The following PAFAH2 variants were observed in gnomAD, a reference collection of about 807,000 sequenced individuals.
PAFAH2 encodes platelet-activating factor acetylhydrolase 2, cytoplasmic.
Under a neutral mutation model 49.0 loss-of-function variants are expected in PAFAH2, and 42 were observed. The ratio of observed to expected loss-of-function variants is 0.86; its 90% CI spans 0.67 to 1.11. PAFAH2 has a LOEUF of 1.11. PAFAH2 is among the 50% of genes least tolerant of loss of function. The pLI, the probability that PAFAH2 is intolerant of heterozygous loss-of-function variation, is 0.00. For missense variants in PAFAH2, 503 were observed against 501.8 expected, an observed-to-expected ratio of 1.00 and a Z score of -0.02; for synonymous variants, 184 against 181.3, an observed-to-expected ratio of 1.01 and a Z score of -0.12.
rs2049846165 is a variant in PAFAH2, at chr1:25,989,704, CA to C, written c.91-104del. The C allele has an allele frequency of 2.2e-5, 20 of 910,726 alleles. No individual in the cohort carries two copies. The South Asian group carries it at 7.6e-4, about 35-fold the overall frequency. 56.4% of individuals were successfully genotyped at this position (910,726 alleles called of 1,614,324 possible). A position where few individuals can be genotyped will look rare whatever the true frequency, so the allele number is the denominator to read the frequency against. The stretch of plus-strand genomic sequence containing the variant: ...TTGGGGCACCAGCAAAACAGGGCAC[CA>C]AAACAGGGAAACTGAAGTTTCAATT... On this transcript the variant is annotated intron_variant, in intron 2 of 10. Coordinates refer to ENST00000374282, the MANE Select transcript of PAFAH2 (RefSeq NM_000437.4).
Position 25,982,446 on chromosome 1 carries a change from A to G in PAFAH2, c.584T>C (p.Val195Ala). The G allele has an allele frequency of 6.2e-7, 1 of 1,614,094 alleles. No individual in the cohort carries two copies. The highest frequency in any genetic ancestry group is 1.1e-5 in the South Asian group (1 of 91,076). ...AGTGACCTCTTGCAGGATCTTCAAC[A>G]CCCGTAAACACTCGCTTACCCGCTG... is the stretch of plus-strand genomic sequence containing the variant. ...VHQRVSECLRVLKILQEVTAG... is the reference protein window; with the variant it reads ...VHQRVSECLRALKILQEVTAG... Residue 195 changes from valine to alanine, a missense_variant, in exon 7 of 11, where the codon GTG (valine) becomes GCG (alanine). By Grantham distance (64) the Val-to-Ala change is moderately conservative (BLOSUM62 0). Transcript: ENST00000374282.
At chr1:25,986,739 C>A (rs2049786577) in intron 4 of PAFAH2, among the ~76,000 whole-genome samples, 1 of 151,982 alleles carries the variant, frequency 6.6e-6, no homozygotes, top group Non-Finnish European at 1.5e-5. Flanking sequence ...CCATGTTGGT[C>A]AGGCTAGTCT....
At chr1:25,978,199 A>C (rs1220198074) in intron 7 of PAFAH2, among the ~76,000 whole-genome samples, 1 of 152,052 alleles carries the variant, frequency 6.6e-6, no homozygotes, top group East Asian at 1.9e-4. Flanking sequence ...TGGCCTCTTC[A>C]ACATTAAAAA....
At chr1:25,977,237 G>T (rs1365513787) in intron 7 of PAFAH2, among the ~76,000 whole-genome samples, 1 of 150,252 alleles carries the variant, frequency 6.7e-6, no homozygotes, top group Non-Finnish European at 1.5e-5. Flanking sequence ...CTGACCTCGT[G>T]ATCCGCCCGC....
chr1:25,967,194 G>A (rs2049439248), intron 10 of PAFAH2, among the ~76,000 whole-genome samples: 1 of 152,096 alleles, frequency 6.6e-6, no homozygotes, highest in Admixed American at 6.6e-5. Context: ...TATTTTGAAG[G>A]TAGAGCCAAT....
intron 9 of PAFAH2, 94 bp downstream of exon 9, chr1:25,974,386 G>T: frequency 9.8e-7 from 1 of 1,021,762 alleles, no homozygotes; most frequent in Non-Finnish European, 1.4e-6. Flanking sequence ...TCCTACTAAT[G>T]GGTAGAAAGT....
At chr1:25,967,455 C>G (rs2049444186) in intron 10 of PAFAH2, among the ~76,000 whole-genome samples, 1 of 152,098 alleles carries the variant, frequency 6.6e-6, no homozygotes, top group Admixed American at 6.5e-5. Flanking sequence ...GCAAGCAGCA[C>G]AGCAGATGGA....
At chr1:25,965,209 A>C (rs958567788) in intron 10 of PAFAH2, among the ~76,000 whole-genome samples, 1 of 152,238 alleles carries the variant, frequency 6.6e-6, no homozygotes, top group Non-Finnish European at 1.5e-5. Context: ...TTGGATAGCC[A>C]TATGAAGAAG....
chr1:25,962,901 A>G (rs2049360348), intron 10 of PAFAH2, among the ~76,000 whole-genome samples: 1 of 152,066 alleles, frequency 6.6e-6, no homozygotes, highest in Admixed American at 6.5e-5. Context: ...GCAGTATCTG[A>G]CAGCTCAGCC....
At position 25,976,739 on chromosome 1, in the gene PAFAH2, C is replaced by G. The variant is rs750003914; in HGVS notation, c.701G>C (p.Gly234Ala). ...NIDMSRVAVM[G>A]HSFGGATAIL... ...AGCTGTGGCCCCTCCAAATGAATGT[C>G]CCATCACAGCCACACGGCTCATGTC... The change falls in exon 8 of 11, where the codon GGA (glycine) becomes GCA (alanine). Residue 234 changes from glycine to alanine, a missense_variant. By Grantham distance (60) the Gly-to-Ala change is moderately conservative (BLOSUM62 0). Coordinates refer to ENST00000374282, the MANE Select transcript of PAFAH2 (RefSeq NM_000437.4). 3.1e-6 allele frequency: 5 copies of G among 1,614,096 alleles called. No individual in the cohort carries two copies. The highest frequency in any genetic ancestry group is 4.2e-6 in the Non-Finnish European group (5 of 1,180,034).
At chr1:25,977,571 C>T (rs989027724) in intron 7 of PAFAH2, among the ~76,000 whole-genome samples, 3 of 149,732 alleles carry the variant, frequency 2.0e-5, no homozygotes, top group African/African-American at 4.9e-5. Context: ...GAGAGGATCG[C>T]TTGAGCTCAG....
rs573169263 is a variant in PAFAH2 at position 25,982,215 on chromosome 1, A to G, written c.666+149T>C. On this transcript the variant is annotated intron_variant, in intron 7 of 10. Transcript: ENST00000374282. ...TGTCTGAGACCCTGGGTCTAACTAC[A>G]CTGGCCTAAAGTTGGCCTTTGATCT... is the stretch of plus-strand genomic sequence containing the variant. 64 of 591,064 alleles carry G rather than the reference A, an allele frequency of 1.1e-4. 1 individual carries two copies. The South Asian group carries it at 1.2e-3, about 11-fold the overall frequency. The allele number at this position is 591,064 out of a possible 1,614,324, so 36.6% of individuals were successfully genotyped here.
chr1:25,983,375 ACT>A (rs1244371336), intron 6 of PAFAH2, among the ~76,000 whole-genome samples: 1 of 151,508 alleles, frequency 6.6e-6, no homozygotes, highest in African/African-American at 2.4e-5. Context: ...ACAGAGTGAG[ACT>A]CTGTCCCAAA....
In PAFAH2 at chr1:25,972,655, A is replaced by C; in HGVS notation, c.987T>G (p.Gly329=). Residue 329 remains glycine (G), a synonymous_variant, in exon 10 of 11, where the codon GGT becomes GGG. Transcript: ENST00000374282. ...DFAFVTGNLI[G]KFFSTETRGS... is the part of the protein sequence containing the mutation. ...CACGGGTTTCAGTGGAGAAGAATTT[A>C]CCAATCAAGTTGCCAGTCACAAAAG... 1.9e-6 allele frequency: 3 copies of C among 1,613,970 alleles called. No individual in the cohort carries two copies. Among genetic ancestry groups the C allele is most frequent in the Non-Finnish European group, 2.5e-6 (3 of 1,179,864 alleles).
intron 10 of PAFAH2, among the ~76,000 whole-genome samples, chr1:25,967,395 C>G (rs953904769): frequency 1.3e-5 from 2 of 152,138 alleles, no homozygotes; most frequent in African/African-American, 2.4e-5. Context: ...GAGTCCCCAG[C>G]ATGGAGTTGG....
chr1:25,978,536 A>G (rs1014452272), intron 7 of PAFAH2, among the ~76,000 whole-genome samples: 1 of 152,210 alleles, frequency 6.6e-6, no homozygotes, highest in African/African-American at 2.4e-5. Context: ...CTGGTCTCAC[A>G]GCTAAACTGT....
In PAFAH2 at chr1:25,988,890, G is replaced by A. The variant is rs566993131; in HGVS notation, c.244+558C>T. Among the ~76,000 whole-genome samples the A allele has an allele frequency of 7.9e-5, 12 of 151,686 alleles. No individual in the cohort carries two copies. The Middle Eastern group carries it at 0.01, about 129-fold the overall frequency. On this transcript the variant is annotated intron_variant, in intron 3 of 10. Coordinates refer to ENST00000374282, the MANE Select transcript of PAFAH2 (RefSeq NM_000437.4). ...GGCAGTACTGAACCCGGGGTAAACT[G>A]CTGAGATGCCAAGGCACTGGGTGGA...
At chr1:25,990,060 TG>T (rs2049850638) in intron 2 of PAFAH2, among the ~76,000 whole-genome samples, 1 of 151,932 alleles carries the variant, frequency 6.6e-6, no homozygotes, top group South Asian at 2.1e-4. Context: ...TACTAGGAAG[TG>T]TGTGCCTCTC....
chr1:25,968,101 G>T (rs754554644), intron 10 of PAFAH2, among the ~76,000 whole-genome samples: 3 of 152,152 alleles, frequency 2.0e-5, no homozygotes, highest in Non-Finnish European at 4.4e-5. Context: ...GGGAGCAGAG[G>T]TTGCAGTGAG....
Sources: allele counts gnomAD v4.1 joint callset (sites outside exome capture counted in the v4.1 genomes callset), GRCh38; gene constraint gnomAD v4.1.1; transcripts MANE v1.5; gene names NCBI Gene and HGNC (gene_info 2026-07-23, HGNC 2026-07-21).